The following PTPRK variants were observed in gnomAD, a reference collection of about 807,000 sequenced individuals.
The protein encoded by PTPRK is protein tyrosine phosphatase receptor type K.
In PTPRK, 75 loss-of-function variants were observed where a neutral mutation model predicts 178.0. The observed-to-expected ratio is 0.42, with a 90% CI of 0.35 to 0.51. The LOEUF (loss-of-function observed/expected upper bound fraction) is 0.51, where lower values mean the gene tolerates loss of function less well. PTPRK is among the 20% of genes least tolerant of loss of function. The pLI, the probability that PTPRK is intolerant of heterozygous loss-of-function variation, is 0.02. For synonymous variants in PTPRK, 637 were observed against 620.6 expected, an observed-to-expected ratio of 1.03 and a Z score of -0.39; for missense variants, 1,441 against 1,797.8, an observed-to-expected ratio of 0.80 and a Z score of 3.59.
At chr6:128,201,058 G>T (rs936185528) in intron 6 of PTPRK, among the ~76,000 whole-genome samples, 4 of 152,210 alleles carry the variant, frequency 2.6e-5, no homozygotes, top group African/African-American at 9.6e-5. Flanking sequence ...TTAAAAATAG[G>T]TGCTTATGGA....
chr6:128,155,837 C>A (rs1434359436), intron 7 of PTPRK, among the ~76,000 whole-genome samples: 1 of 151,594 alleles, frequency 6.6e-6, no homozygotes, highest in South Asian at 2.1e-4. Context: ...TAGTATATAC[C>A]TGGTTCAAAT....
At chr6:128,214,654 A>G (rs1341032706) in intron 6 of PTPRK, among the ~76,000 whole-genome samples, 3 of 151,960 alleles carry the variant, frequency 2.0e-5, no homozygotes, top group Non-Finnish European at 2.9e-5. Flanking sequence ...CTCTCCTAAG[A>G]CTAGGTGGTA....
chr6:128,472,042 A>G (rs1584879544), intron 1 of PTPRK, among the ~76,000 whole-genome samples: 1 of 152,054 alleles, frequency 6.6e-6, no homozygotes, highest in East Asian at 1.9e-4. Context: ...TGGAGAATGG[A>G]AAGATGAAGG....
chr6:127,982,040 A>G (rs562495901), intron 24 of PTPRK, among the ~76,000 whole-genome samples: 5 of 152,102 alleles, frequency 3.3e-5, no homozygotes, highest in African/African-American at 1.2e-4. Flanking sequence ...AGGTTTTGCC[A>G]TGTTGGCCAG....
chr6:128,074,568 T>C (rs1027190421), intron 11 of PTPRK, among the ~76,000 whole-genome samples: 3 of 152,072 alleles, frequency 2.0e-5, no homozygotes, highest in Middle Eastern at 3.2e-3. Flanking sequence ...ACAGTAATGA[T>C]TGTCAAGTGA....
chr6:128,001,190 A>G, intron 15 of PTPRK: 1 of 1,530,648 alleles, frequency 6.5e-7, no homozygotes, highest in East Asian at 2.5e-5. Flanking sequence ...TTTGCAATAC[A>G]CTTACCTGTT....
At chr6:128,328,799 T>TA (rs1463433306) in intron 2 of PTPRK, among the ~76,000 whole-genome samples, 1 of 152,150 alleles carries the variant, frequency 6.6e-6, no homozygotes, top group African/African-American at 2.4e-5. Flanking sequence ...TAATTTACTA[T>TA]ATTTTCATGA....
At chr6:128,405,220 C>T (rs1301332391) in intron 1 of PTPRK, among the ~76,000 whole-genome samples, 3 of 152,156 alleles carry the variant, frequency 2.0e-5, no homozygotes, top group Non-Finnish European at 4.4e-5. Flanking sequence ...TGATCATTAA[C>T]ACTATACTAT....
intron 3 of PTPRK, among the ~76,000 whole-genome samples, chr6:128,292,381 C>T (rs1355782424): frequency 1.3e-5 from 2 of 151,840 alleles, no homozygotes; most frequent in Non-Finnish European, 2.9e-5. Context: ...AGAATACTGA[C>T]CTAGATGAAT....
At chr6:128,073,825 T>C (rs1482854286) in intron 11 of PTPRK, among the ~76,000 whole-genome samples, 1 of 152,114 alleles carries the variant, frequency 6.6e-6, no homozygotes, top group Non-Finnish European at 1.5e-5. Flanking sequence ...ATATGACCTT[T>C]ATGCCCATAA....
chr6:128,279,480 G>T (rs1034869341), intron 3 of PTPRK, among the ~76,000 whole-genome samples: 6 of 152,154 alleles, frequency 3.9e-5, no homozygotes, highest in Non-Finnish European at 8.8e-5. Context: ...CTGCAGAATT[G>T]CTTATCAGGT....
At chr6:127,991,162 A>G in intron 20 of PTPRK, 132 bp downstream of exon 20, 1 of 654,506 alleles carries the variant, frequency 1.5e-6, no homozygotes, top group Non-Finnish European at 2.5e-6. Flanking sequence ...TCTACTTAGA[A>G]GTACTCAACT....
chr6:128,495,457 T>TA lies in PTPRK; in HGVS notation c.100+24801dup, dbSNP rs369029597. 6.8e-3 allele frequency among the ~76,000 whole-genome samples: 1,001 copies of TA among 146,998 alleles called. 8 individuals are homozygous for TA. The highest frequency in any genetic ancestry group is 0.014 in the Admixed American group (205 of 14,720). On this transcript the variant is annotated intron_variant, in intron 1 of 29. Transcript: ENST00000368226. ...TTAAATCCTCGTGGAGGCAAGAGCC[T>TA]AAAAAAAAAAATCCTCCTTAAATGT...
chr6:128,092,238 ATTT>A (rs1172261794), intron 7 of PTPRK, among the ~76,000 whole-genome samples: 1 of 152,104 alleles, frequency 6.6e-6, no homozygotes, highest in Non-Finnish European at 1.5e-5. Context: ...TGAAATTGAC[ATTT>A]TTTTCCACAG....
Position 128,277,269 on chromosome 6 carries a change from G to A in PTPRK, c.496-34667C>T, listed in dbSNP as rs148699599. 6.0e-3 allele frequency among the ~76,000 whole-genome samples: 913 copies of A among 152,158 alleles called. 3 individuals are homozygous for A. Among genetic ancestry groups the A allele is most frequent in the Middle Eastern group, 0.021 (6 of 292 alleles). On this transcript the variant is annotated intron_variant, in intron 3 of 29. Coordinates refer to ENST00000368226, the MANE Select transcript of PTPRK (RefSeq NM_002844.4). ...TATAAACCAAGGTAATTTGCAGAAC[G>A]GGTCTTTTAAATAAAAGTCAGTCAT...
At position 128,045,226 on chromosome 6, in the gene PTPRK, T is replaced by C. The variant is rs1015433179; in HGVS notation, c.2194+19532A>G. Among the ~76,000 whole-genome samples, 5 of 152,184 alleles carry C rather than the reference T, an allele frequency of 3.3e-5. No individual in the cohort carries two copies. The East Asian group carries it at 9.6e-4, about 29-fold the overall frequency. The stretch of plus-strand genomic sequence containing the variant: ...TACACACACACATTTTTGAGGTATT[T>C]TACCTAGACTTTACTTTTTTCAGAT... On this transcript the variant is annotated intron_variant, in intron 13 of 29. Transcript: ENST00000368226.
intron 1 of PTPRK, among the ~76,000 whole-genome samples, chr6:128,450,076 C>T (rs1226967715): frequency 6.9e-6 from 1 of 144,214 alleles, no homozygotes; most frequent in Non-Finnish European, 1.5e-5. Context: ...TGAGATCACG[C>T]CATTTCACTC....
intron 13 of PTPRK, among the ~76,000 whole-genome samples, chr6:128,051,460 T>C (rs1019807085): frequency 2.0e-5 from 3 of 152,216 alleles, no homozygotes; most frequent in African/African-American, 7.2e-5. Flanking sequence ...AACTCAACCA[T>C]AGACATCCCA....
chr6:127,985,680 G>A lies in PTPRK; in HGVS notation c.3251+41C>T, dbSNP rs779345964. 9 of 1,530,208 alleles carry A rather than the reference G, an allele frequency of 5.9e-6. No individual in the cohort carries two copies. The African/African-American group carries it at 1.1e-4, about 19-fold the overall frequency. The allele number at this position is 1,530,208 out of a possible 1,614,324, so 94.8% of individuals were successfully genotyped here. On this transcript the variant is annotated intron_variant, in intron 22 of 29. Coordinates refer to ENST00000368226, the MANE Select transcript of PTPRK (RefSeq NM_002844.4). ...GCCTTGTCTTGATACTCTAAAAAAA[G>A]CTGATTGCATACAGTCAATACCATT...
Sources: gnomAD v4.1 joint callset for allele counts (sites outside exome capture counted in the v4.1 genomes callset) on GRCh38, gnomAD v4.1.1 for gene constraint, MANE v1.5 for transcripts, NCBI Gene and HGNC (gene_info 2026-07-23, HGNC 2026-07-21) for gene names.